RALGAPA2: variants seen among roughly 807,000 people sequenced by gnomAD.
The protein encoded by RALGAPA2 is Ral GTPase activating protein catalytic subunit alpha 2.
A neutral mutation model predicts 230.4 loss-of-function variants in RALGAPA2; 139 were observed. The ratio of observed to expected loss-of-function variants is 0.60; its 90% CI spans 0.53 to 0.69. The LOEUF is 0.69. Ranked by LOEUF, RALGAPA2 falls within the 30% of genes least tolerant of loss-of-function variation. RALGAPA2 has a pLI of 0.00. For missense variants in RALGAPA2, 2,163 were observed against 2,276.0 expected (o/e 0.95, Z 1.01); for synonymous variants, 847 against 837.8 (o/e 1.01, Z -0.19).
At chr20:20,467,989 AG>A (rs2061457050) in intron 37 of RALGAPA2, among the ~76,000 whole-genome samples, 1 of 152,176 alleles carries the variant, frequency 6.6e-6, no homozygotes, top group South Asian at 2.1e-4. Context: ...CCAAGTGTCT[AG>A]GGTACAGGTC....
intron 3 of RALGAPA2, chr20:20,659,759 A>G (rs2067708067): frequency 1.1e-6 from 1 of 884,534 alleles, no homozygotes; most frequent in African/African-American, 1.7e-5. Context: ...GACCATGCTC[A>G]GAATGAAGAA....
intron 38 of RALGAPA2, among the ~76,000 whole-genome samples, chr20:20,409,203 C>T (rs1216409487): frequency 2.6e-5 from 4 of 152,136 alleles, no homozygotes; most frequent in Non-Finnish European, 5.9e-5. Context: ...AAGCTTCAGG[C>T]ACAGGCCATT....
At chr20:20,430,892 A>G (rs2060487766) in intron 37 of RALGAPA2, among the ~76,000 whole-genome samples, 1 of 152,096 alleles carries the variant, frequency 6.6e-6, no homozygotes, top group Non-Finnish European at 1.5e-5. Flanking sequence ...AGAAGTAATT[A>G]TTTTGTGAGT....
intron 37 of RALGAPA2, among the ~76,000 whole-genome samples, chr20:20,434,047 G>A (rs1949532900): frequency 6.6e-6 from 1 of 152,210 alleles, no homozygotes; most frequent in African/African-American, 2.4e-5. Flanking sequence ...GGGTGGTGAT[G>A]TACTGGGAAG....
At position 20,513,116 on chromosome 20, in the gene RALGAPA2, A is replaced by C. The variant is rs777468350; in HGVS notation, c.4253T>G (p.Phe1418Cys). Residue 1418 changes from phenylalanine to cysteine, a missense_variant, in exon 32 of 40, where the codon TTT (phenylalanine) becomes TGT (cysteine). Physicochemically the swap from Phe to Cys is radical, Grantham distance 205. Transcript: ENST00000202677. ...NAHVEGSELSFEVFRSPNLQL... is the reference protein window; with the variant it reads ...NAHVEGSELSCEVFRSPNLQL... Reference sequence around the variant, plus strand: ...CAGGTTTGGACTTCTGAACACCTCAAAGGACAGCTCGGAGCCTTCCACATG... The same window carrying C: ...CAGGTTTGGACTTCTGAACACCTCACAGGACAGCTCGGAGCCTTCCACATG... 1 of 1,587,758 alleles carries C rather than the reference A, an allele frequency of 6.3e-7. No individual in the cohort carries two copies. Among genetic ancestry groups the C allele is most frequent in the South Asian group, 1.2e-5 (1 of 84,908 alleles).
Position 20,392,899 on chromosome 20 carries a change from A to G in RALGAPA2, c.*390T>C, listed in dbSNP as rs2059627642. 2.8e-6 allele frequency: 1 copy of G among 356,226 alleles called. No individual in the cohort carries two copies. The highest frequency in any genetic ancestry group is 4.9e-6 in the Non-Finnish European group (1 of 202,992). The allele number at this position is 356,226 out of a possible 1,614,324, so 22.1% of individuals were successfully genotyped here. On this transcript the variant is annotated 3_prime_UTR_variant, in exon 40 of 40. Transcript: ENST00000202677. Reference sequence around the variant, plus strand: ...CTCTGCCCCCTCCCTGAAAGCGCAGAATCTTTTCCTGCTGTCATCTGCCCA... The same window carrying G: ...CTCTGCCCCCTCCCTGAAAGCGCAGGATCTTTTCCTGCTGTCATCTGCCCA...
chr20:20,560,767 G>A (rs1860671163), intron 23 of RALGAPA2, among the ~76,000 whole-genome samples: 1 of 152,192 alleles, frequency 6.6e-6, no homozygotes, highest in Non-Finnish European at 1.5e-5. Flanking sequence ...GTCTCTCAGT[G>A]CCTCTGTGCC....
chr20:20,391,267 G>A lies in RALGAPA2; in HGVS notation c.*2022C>T, dbSNP rs1025182576. ...GATGGTGGCCAAGCTATGCTGCCCA[G>A]ATGTCTGGAATCATTTAAAATAAAG... On this transcript the variant is annotated 3_prime_UTR_variant, in exon 40 of 40. Transcript: ENST00000202677. 6.6e-6 allele frequency: 1 copy of A among 152,180 alleles called. No homozygotes were observed. Among genetic ancestry groups the A allele is most frequent in the South Asian group, 2.1e-4 (1 of 4,818 alleles). The allele number at this position is 152,180 out of a possible 1,614,324, so 9.4% of individuals were successfully genotyped here. A position where few individuals can be genotyped will look rare whatever the true frequency, so the allele number is the denominator to read the frequency against.
chr20:20,554,056 G>A (rs2064007266), intron 23 of RALGAPA2, among the ~76,000 whole-genome samples: 2 of 152,084 alleles, frequency 1.3e-5, no homozygotes, highest in African/African-American at 4.8e-5. Context: ...GTAGTTTTTA[G>A]TGTATTCACA....
At chr20:20,440,048 A>C (rs907075311) in intron 37 of RALGAPA2, among the ~76,000 whole-genome samples, 3 of 152,242 alleles carry the variant, frequency 2.0e-5, no homozygotes, top group African/African-American at 4.8e-5. Flanking sequence ...AGTTTTTACA[A>C]GTCAAATAAT....
chr20:20,629,292 C>G, intron 10 of RALGAPA2, 71 bp downstream of exon 10: 1 of 1,325,028 alleles, frequency 7.5e-7, no homozygotes. Context: ...GAACATGAAA[C>G]AAAATCATTT....
chr20:20,514,123 A>T (rs2062802687), intron 31 of RALGAPA2, among the ~76,000 whole-genome samples: 1 of 150,594 alleles, frequency 6.6e-6, no homozygotes, highest in African/African-American at 2.4e-5. Context: ...TGCACACATC[A>T]TGGTATAGTA....
At chr20:20,686,598 T>C (rs137872562) in intron 1 of RALGAPA2, among the ~76,000 whole-genome samples, 5 of 151,600 alleles carry the variant, frequency 3.3e-5, no homozygotes, top group South Asian at 4.2e-4. Flanking sequence ...GATGATAAAA[T>C]GAGCATATGT....
chr20:20,647,999 A>G (rs1159392704), intron 4 of RALGAPA2, among the ~76,000 whole-genome samples: 1 of 152,206 alleles, frequency 6.6e-6, no homozygotes, highest in African/African-American at 2.4e-5. Flanking sequence ...CCCAAGAGAC[A>G]GGAAACCATA....
At chr20:20,547,030 C>T (rs764105936) in intron 23 of RALGAPA2, among the ~76,000 whole-genome samples, 198 bp from the exon 24 acceptor site, 4 of 152,084 alleles carry the variant, frequency 2.6e-5, no homozygotes, top group Non-Finnish European at 4.4e-5. Context: ...GATTGGAGAC[C>T]CCAAGCTGTA....
At chr20:20,622,408 CAGGTAAA>C (rs1307234804) in intron 10 of RALGAPA2, among the ~76,000 whole-genome samples, 246 of 152,186 alleles carry the variant, frequency 1.6e-3, no homozygotes, top group African/African-American at 5.8e-3. Flanking sequence ...AAGTATATTA[CAGGTAAA>C]ACTGCTGAAA....
At chr20:20,519,513 A>G (rs1229645296) in intron 31 of RALGAPA2, among the ~76,000 whole-genome samples, 1 of 152,150 alleles carries the variant, frequency 6.6e-6, no homozygotes, top group African/African-American at 2.4e-5. Context: ...TCACCTGCTC[A>G]TGTTATCTGG....
At chr20:20,393,650 G>A (rs1339441643) in intron 39 of RALGAPA2, among the ~76,000 whole-genome samples, 3 of 152,190 alleles carry the variant, frequency 2.0e-5, no homozygotes, top group African/African-American at 7.2e-5. Flanking sequence ...ATCCCTGGCG[G>A]TGTTCCTGGA....
At chr20:20,536,924 C>T in intron 24 of RALGAPA2, 140 bp from the exon 25 acceptor site, 2 of 1,013,332 alleles carry the variant, frequency 2.0e-6, no homozygotes, top group Non-Finnish European at 2.7e-6. Context: ...CATATTTAAG[C>T]AAAAGAGGTT....
Sources: gnomAD v4.1 joint callset for allele counts (sites outside exome capture counted in the v4.1 genomes callset) on GRCh38, gnomAD v4.1.1 for gene constraint, MANE v1.5 for transcripts, NCBI Gene and HGNC (gene_info 2026-07-23, HGNC 2026-07-21) for gene names.